Variants in TEX2 observed in about 807,000 individuals in gnomAD.
TEX2 encodes the protein testis expressed 2.
TEX2 carries 53 observed loss-of-function variants against 106.9 expected under a neutral mutation model. That is an observed-to-expected ratio of 0.50 (90% CI 0.40 to 0.62). The LOEUF is 0.62. TEX2 is among the 20% of genes least tolerant of loss of function. The pLI, the probability that TEX2 is intolerant of heterozygous loss-of-function variation, is 0.00. For synonymous variants in TEX2, 523 were observed against 534.8 expected (o/e 0.98, Z 0.30); for missense variants, 1,207 against 1,379.0 (o/e 0.88, Z 1.98).
At chr17:64,170,644 T>TTTTG in intron 7 of TEX2, among the ~76,000 whole-genome samples, 1 of 142,294 alleles carries the variant, frequency 7.0e-6, no homozygotes, top group African/African-American at 2.6e-5. Flanking sequence ...TTTTTTTTTT[T>TTTTG]TTTGTGAGAC....
In TEX2 at chr17:64,193,575, G is replaced by T; in HGVS notation, c.2160C>A (p.Val720=). The part of the protein sequence containing the change: ...LKSEIKKSSG[V]SGGKPGLLPA... Reference sequence around the variant, plus strand: ...CATCATTACCTGGTTTACCTCCAGAGACACCCGATGACTTCTTGATTTCCG... The same window carrying T: ...CATCATTACCTGGTTTACCTCCAGATACACCCGATGACTTCTTGATTTCCG... The change falls in exon 4 of 12, where the codon GTC becomes GTA. Residue 720 remains valine (V), a synonymous_variant. Coordinates refer to ENST00000584379, the MANE Select transcript of TEX2 (RefSeq NM_001288732.2). The T allele has an allele frequency of 7.0e-7, 1 of 1,432,524 alleles. No individual in the cohort carries two copies. The highest frequency in any genetic ancestry group is 9.2e-7 in the Non-Finnish European group (1 of 1,084,634). The allele number at this position is 1,432,524 out of a possible 1,614,324, so 88.7% of individuals were successfully genotyped here. A position where few individuals can be genotyped will look rare whatever the true frequency, so the allele number is the denominator to read the frequency against.
chr17:64,185,777 C>T lies in TEX2; in HGVS notation c.2424+2391G>A, dbSNP rs937156391. 6.6e-6 allele frequency among the ~76,000 whole-genome samples: 1 copy of T among 152,168 alleles called. No individual in the cohort carries two copies. The highest frequency in any genetic ancestry group is 2.4e-5 in the African/African-American group (1 of 41,446). On this transcript the variant is annotated intron_variant, in intron 5 of 11. Transcript: ENST00000584379. The surrounding 1 kb of genome is among the most constrained non-coding windows in gnomAD (Gnocchi z 4.0). ...GTCTCTACTAAAAATACAAAATTAG[C>T]CGGACGTGGTAGCGTGTGACTGCAG...
intron 1 of TEX2, among the ~76,000 whole-genome samples, chr17:64,246,098 C>T (rs2033983191): frequency 6.6e-6 from 1 of 152,182 alleles, no homozygotes; most frequent in Non-Finnish European, 1.5e-5. Flanking sequence ...CTCCAACACC[C>T]TTTAAGAGCC....
chr17:64,239,904 A>AAAAAG (rs781859721), intron 1 of TEX2, among the ~76,000 whole-genome samples: 4 of 118,790 alleles, frequency 3.4e-5, no homozygotes, highest in Non-Finnish European at 7.2e-5. Context: ...AAAAAAAAAA[A>AAAAAG]GCAGAGAAGA....
intron 1 of TEX2, among the ~76,000 whole-genome samples, chr17:64,250,322 C>T (rs967883663): frequency 6.6e-6 from 1 of 152,188 alleles, no homozygotes; most frequent in Non-Finnish European, 1.5e-5. Context: ...AATGCTCAGC[C>T]GTTAGTGAGC....
intron 3 of TEX2, among the ~76,000 whole-genome samples, chr17:64,194,321 T>C (rs1017669660): frequency 6.6e-6 from 1 of 152,196 alleles, no homozygotes; most frequent in Non-Finnish European, 1.5e-5. Flanking sequence ...TAAACTTATA[T>C]AAAAACTATT....
chr17:64,238,591 C>T (rs1476191422), intron 1 of TEX2, among the ~76,000 whole-genome samples: 1 of 152,206 alleles, frequency 6.6e-6, no homozygotes, highest in African/African-American at 2.4e-5. Flanking sequence ...GACACCTCTT[C>T]ACAGGGTAAC....
At chr17:64,206,397 C>G (rs2032830676) in intron 2 of TEX2, among the ~76,000 whole-genome samples, 1 of 152,332 alleles carries the variant, frequency 6.6e-6, no homozygotes, top group South Asian at 2.1e-4. Flanking sequence ...TCACATGCCA[C>G]TTCCTGTTGA....
Position 64,211,558 on chromosome 17 carries a change from A to G in TEX2, c.1644+1016T>C, listed in dbSNP as rs567035610. The stretch of plus-strand genomic sequence containing the variant: ...AGATACAAATTTAAAAATACAGCAT[A>G]ATAACCATTCACATTATGTTAGGTA... On this transcript the variant is annotated intron_variant, in intron 2 of 11. Transcript: ENST00000584379. 3.9e-5 allele frequency among the ~76,000 whole-genome samples: 6 copies of G among 152,356 alleles called. No individual in the cohort carries two copies. In the South Asian group the frequency reaches 1.2e-3, roughly 32 times the overall value.
At chr17:64,179,627 C>G (rs1462046478) in intron 5 of TEX2, among the ~76,000 whole-genome samples, 1 of 152,198 alleles carries the variant, frequency 6.6e-6, no homozygotes, top group Non-Finnish European at 1.5e-5. Flanking sequence ...TACATTGCCA[C>G]AGCCTGTGCC....
intron 4 of TEX2, among the ~76,000 whole-genome samples, chr17:64,191,985 A>C (rs2032320043): frequency 6.6e-6 from 1 of 152,204 alleles, no homozygotes; most frequent in African/African-American, 2.4e-5. Flanking sequence ...TTGGACTAAG[A>C]CTTTGAAATC....
At chr17:64,225,573 A>C (rs1161820927) in intron 1 of TEX2, among the ~76,000 whole-genome samples, 1 of 152,202 alleles carries the variant, frequency 6.6e-6, no homozygotes, top group Non-Finnish European at 1.5e-5. Flanking sequence ...GAGAAATCTG[A>C]AAACCAGGAG....
At chr17:64,198,583 A>G (rs550070882) in intron 2 of TEX2, among the ~76,000 whole-genome samples, 1 of 131,626 alleles carries the variant, frequency 7.6e-6, no homozygotes, top group South Asian at 2.3e-4. Flanking sequence ...CACTCTGAGC[A>G]CACATCTGCT....
intron 8 of TEX2, 31 bp from the exon 9 acceptor site, chr17:64,154,998 T>C: frequency 2.6e-6 from 4 of 1,529,566 alleles, no homozygotes; most frequent in Non-Finnish European, 3.5e-6. Flanking sequence ...CACCACTGCC[T>C]GCCCTCACCC....
Position 64,244,096 on chromosome 17 carries a change from C to T in TEX2, c.-26+19072G>A, listed in dbSNP as rs562158252. 1.2e-4 allele frequency among the ~76,000 whole-genome samples: 18 copies of T among 152,230 alleles called. No homozygotes were observed. The South Asian group carries it at 3.7e-3, about 32-fold the overall frequency. ...TGCTGGGATTACAAGTGTGAACCAC[C>T]GCGCCCAGCCAAAACACTACTCTTT... On this transcript the variant is annotated intron_variant, in intron 1 of 11. Coordinates refer to ENST00000584379, the MANE Select transcript of TEX2 (RefSeq NM_001288732.2).
chr17:64,228,965 CACACA>C (rs2143288170), intron 1 of TEX2, among the ~76,000 whole-genome samples: 1 of 113,376 alleles, frequency 8.8e-6, no homozygotes, highest in Non-Finnish European at 2.0e-5. Context: ...CACACACACA[CACACA>C]CCTTTTCTAC....
intron 1 of TEX2, among the ~76,000 whole-genome samples, chr17:64,250,924 TCAAGGGATCCA>T (rs782563381): frequency 1.3e-5 from 2 of 152,172 alleles, no homozygotes; most frequent in Non-Finnish European, 2.9e-5. Context: ...ACTCCTGAAC[TCAAGGGATCCA>T]CCTGCCTCAG....
At chr17:64,183,241 A>G (rs1479038021) in intron 5 of TEX2, among the ~76,000 whole-genome samples, 1 of 152,212 alleles carries the variant, frequency 6.6e-6, no homozygotes. Flanking sequence ...TAATGCTACT[A>G]TAAATATTTG....
At chr17:64,199,340 A>G (rs9905854) in intron 2 of TEX2, among the ~76,000 whole-genome samples, 121,568 of 152,092 alleles carry the variant, frequency 0.8, 48,876 homozygotes, top group Middle Eastern at 0.89. Context: ...GGGTTCAAGC[A>G]ATTCTCCTGC....
Sources: gnomAD v4.1 joint callset for allele counts (sites outside exome capture counted in the v4.1 genomes callset) on GRCh38, gnomAD v4.1.1 for gene constraint, Gnocchi (gnomAD v3.1) non-coding constraint, MANE v1.5 for transcripts, NCBI Gene and HGNC (gene_info 2026-07-23, HGNC 2026-07-21) for gene names.